The following MTF1 variants were observed in gnomAD, a reference collection of about 807,000 sequenced individuals.
MTF1 encodes the protein metal regulatory transcription factor 1.
In MTF1, 22 loss-of-function variants were observed where a neutral mutation model predicts 70.4. That is an observed-to-expected ratio of 0.31 (90% CI 0.22 to 0.45). The LOEUF (loss-of-function observed/expected upper bound fraction) is 0.45, where lower values mean the gene tolerates loss of function less well. MTF1 is among the 20% of genes least tolerant of loss of function. MTF1 has a pLI of 1.00. For synonymous variants in MTF1, 333 were observed against 352.8 expected, an observed-to-expected ratio of 0.94 and a Z score of 0.63; for missense variants, 649 against 922.0, an observed-to-expected ratio of 0.70 and a Z score of 3.83.
chr1:37,851,122 G>A (rs759428219), intron 2 of MTF1, among the ~76,000 whole-genome samples: 10 of 152,160 alleles, frequency 6.6e-5, no homozygotes, highest in Non-Finnish European at 1.2e-4. Flanking sequence ...CTTCAGGAAG[G>A]CAAGCCTCCT....
At position 37,812,930 on chromosome 1, in the gene MTF1, A is replaced by G. The variant is rs1040786150; in HGVS notation, c.*2206T>C. 3.9e-5 allele frequency: 6 copies of G among 152,224 alleles called. No homozygotes were observed. The highest frequency in any genetic ancestry group is 7.3e-5 in the Non-Finnish European group (5 of 68,066). The allele number at this position is 152,224 out of a possible 1,614,324, so 9.4% of individuals were successfully genotyped here. On this transcript the variant is annotated 3_prime_UTR_variant, in exon 11 of 11. Coordinates refer to ENST00000373036, the MANE Select transcript of MTF1 (RefSeq NM_005955.3). ...GCCTTATCAACTTCTGCTGAGGTCA[A>G]TGGTCAACAGAAGCCACAATCCTTT...
rs1553149979 is a variant in MTF1, at chr1:37,858,015, T to TAAAATA, written c.-51-307_-51-306insTATTTT. Among the ~76,000 whole-genome samples the TAAAATA allele has an allele frequency of 1.9e-4, 24 of 124,044 alleles. No homozygotes were observed. The Middle Eastern group carries it at 0.02, about 103-fold the overall frequency. The allele number at this position is 124,044 out of a possible 152,430, so 81.4% of individuals were successfully genotyped here. On this transcript the variant is annotated intron_variant, in intron 1 of 10. Transcript: ENST00000373036. ...AACATAGTGAGACCCCCATCTCTAA[T>TAAAATA]AAAAAAAAAAAAAAAAGAAAAAGAA...
intron 4 of MTF1, 104 bp downstream of exon 4, chr1:37,838,521 G>A: frequency 2.1e-6 from 2 of 967,870 alleles, no homozygotes; most frequent in Non-Finnish European, 3.0e-6. Flanking sequence ...GCTAAATCAA[G>A]AGCTAGTAAA....
At chr1:37,831,685 G>A (rs1410612099) in intron 7 of MTF1, among the ~76,000 whole-genome samples, 1 of 152,116 alleles carries the variant, frequency 6.6e-6, no homozygotes, top group Non-Finnish European at 1.5e-5. Flanking sequence ...GATAAAGTGG[G>A]CTTGTCCTTT....
At chr1:37,846,277 T>C (rs574384226) in intron 2 of MTF1, among the ~76,000 whole-genome samples, 46 of 151,072 alleles carry the variant, frequency 3.0e-4, no homozygotes, top group African/African-American at 1.0e-3. Context: ...TATGGGAATA[T>C]ACCAAAGAAA....
intron 8 of MTF1, 59 bp from the exon 9 acceptor site, chr1:37,822,775 A>G (rs1274114618): frequency 1.1e-5 from 14 of 1,243,870 alleles, no homozygotes; most frequent in South Asian, 2.7e-5. Context: ...ATGAGCCACA[A>G]AAACAGTCAT....
At chr1:37,835,409 C>T (rs539442979) in intron 5 of MTF1, among the ~76,000 whole-genome samples, 194 bp from the exon 6 acceptor site, 2 of 152,202 alleles carry the variant, frequency 1.3e-5, no homozygotes, top group South Asian at 4.1e-4. Context: ...GGAATGCCTA[C>T]TGCTGGGAAG....
rs778749377 is a variant in MTF1 at position 37,815,178 on chromosome 1, C to G, written c.2220G>C (p.Gln740His). ...TGGTGAGGCCCATCTCCTCCTCCCCCTGCAGTAGTGCTTCAATGGGAATCA... is the reference window on the plus strand; with the variant it reads ...TGGTGAGGCCCATCTCCTCCTCCCCGTGCAGTAGTGCTTCAATGGGAATCA... ...SNLIPIEALLQGEEEMGLTSS... is the reference protein window; with the variant it reads ...SNLIPIEALLHGEEEMGLTSS... Residue 740 changes from glutamine (Q) to histidine (H), a missense_variant, in exon 11 of 11, where the codon CAG becomes CAC. By Grantham distance (24) the Gln-to-His change is conservative. Around this residue, in one of 7 missense-constraint regions of MTF1, gnomAD observed 138 missense variants for 134.4 expected, o/e 1.03. Coordinates refer to ENST00000373036, the MANE Select transcript of MTF1 (RefSeq NM_005955.3). This position sits in a 1 kb window ranked among gnomAD's most constrained non-coding sequence, Gnocchi z 4.5. 17 of 1,614,086 alleles carry G rather than the reference C, an allele frequency of 1.1e-5. No individual in the cohort carries two copies. In the African/African-American group the frequency reaches 2.0e-4, roughly 19 times the overall value.
intron 9 of MTF1, among the ~76,000 whole-genome samples, chr1:37,819,951 CAAAAAAAAAAAAAAA>C (rs766621404): frequency 2.1e-4 from 17 of 82,696 alleles, no homozygotes; most frequent in South Asian, 9.3e-4. Context: ...GACTCTGACT[CAAAAAAAAAAAAAAA>C]AAAAAAAAAA....
At chr1:37,817,345 C>T in intron 10 of MTF1, 74 bp downstream of exon 10, 2 of 897,962 alleles carry the variant, frequency 2.2e-6, no homozygotes, top group South Asian at 1.4e-5. Context: ...GAAACTGGGA[C>T]AAAGCAATAA....
chr1:37,824,112 G>A (rs1456246733), intron 7 of MTF1, among the ~76,000 whole-genome samples: 1 of 152,110 alleles, frequency 6.6e-6, no homozygotes, highest in Non-Finnish European at 1.5e-5. Flanking sequence ...TCCTAAAAAT[G>A]TTAGGATTAC....
chr1:37,855,274 T>C (rs751392097), intron 2 of MTF1, among the ~76,000 whole-genome samples: 3 of 152,088 alleles, frequency 2.0e-5, no homozygotes, highest in Non-Finnish European at 2.9e-5. Flanking sequence ...CTAGAACCAG[T>C]GGGCAGCACC....
Position 37,815,350 on chromosome 1 carries a change from A to C in MTF1, c.2048T>G (p.Val683Gly). 6.2e-7 allele frequency: 1 copy of C among 1,614,094 alleles called. No individual in the cohort carries two copies. The highest frequency in any genetic ancestry group is 8.5e-7 in the Non-Finnish European group (1 of 1,180,012). ...LPAQTFSSAP[V>G]PGSSSSTLPS... ...CAAGGTAGAGGATGATGACCCGGGA[A>C]CAGGGGCTGAAGAGAAAGTCTGCGC... Residue 683 changes from valine to glycine, a missense_variant, in exon 11 of 11, where the codon GTT becomes GGT. Coordinates refer to ENST00000373036, the MANE Select transcript of MTF1 (RefSeq NM_005955.3). This position sits in a 1 kb window ranked among gnomAD's most constrained non-coding sequence, Gnocchi z 4.5.
Position 37,811,282 on chromosome 1 carries a change from T to G in MTF1, c.*3854A>C, listed in dbSNP as rs927319602. On this transcript the variant is annotated 3_prime_UTR_variant, in exon 11 of 11. Coordinates refer to ENST00000373036, the MANE Select transcript of MTF1 (RefSeq NM_005955.3). ...GCACACAGGGAAGGCTTGCATAGATTGAGCGGTTGCTGAGAATGCATAATA... is the reference window on the plus strand; with the variant it reads ...GCACACAGGGAAGGCTTGCATAGATGGAGCGGTTGCTGAGAATGCATAATA... 2 of 152,792 alleles carry G rather than the reference T, an allele frequency of 1.3e-5. No individual in the cohort carries two copies. The highest frequency in any genetic ancestry group is 2.1e-4 in the South Asian group (1 of 4,826). 9.5% of individuals were successfully genotyped at this position (152,792 alleles called of 1,614,324 possible).
rs1192256477 is a variant in MTF1 at position 37,810,575 on chromosome 1, G to A, written c.*4561C>T. On this transcript the variant is annotated 3_prime_UTR_variant, in exon 11 of 11. Transcript: ENST00000373036. ...CTCTCTCCCTAAAAAACATGCAAGA[G>A]GAAACAGGCCAAAATGGCTAACCAA... The A allele has an allele frequency of 6.6e-6, 1 of 152,130 alleles. No individual in the cohort carries two copies. The highest frequency in any genetic ancestry group is 2.4e-5 in the African/African-American group (1 of 41,418). The allele number at this position is 152,130 out of a possible 1,614,324, so 9.4% of individuals were successfully genotyped here.
intron 1 of MTF1, among the ~76,000 whole-genome samples, chr1:37,858,015 T>TAAAAAAAA (rs71053997): frequency 8.1e-6 from 1 of 123,952 alleles, no homozygotes; most frequent in Non-Finnish European, 1.6e-5. Flanking sequence ...CCATCTCTAA[T>TAAAAAAAA]AAAAAAAAAA....
At chr1:37,834,604 AG>A in intron 6 of MTF1, 1 of 456,238 alleles carries the variant, frequency 2.2e-6, no homozygotes, top group Non-Finnish European at 4.4e-6. Context: ...TGGACAGAAG[AG>A]GGGGAAAAGG....
chr1:37,832,024 G>A (rs1014311265), intron 7 of MTF1, among the ~76,000 whole-genome samples: 1 of 152,322 alleles, frequency 6.6e-6, no homozygotes. Context: ...TCTGGGGCCA[G>A]GTTACCGAGT....
intron 7 of MTF1, 140 bp from the exon 8 acceptor site, chr1:37,823,952 CAT>C (rs1640962762): frequency 1.6e-6 from 1 of 626,020 alleles, no homozygotes; most frequent in South Asian, 2.0e-5. Context: ...TTTAAAGTAA[CAT>C]GTATTTTCTT....
Sources: gnomAD v4.1 joint callset for allele counts (sites outside exome capture counted in the v4.1 genomes callset) on GRCh38, gnomAD v4.1.1 for gene constraint, gnomAD v4.1.1 regional missense constraint, Gnocchi (gnomAD v3.1) non-coding constraint, MANE v1.5 for transcripts, NCBI Gene and HGNC (gene_info 2026-07-23, HGNC 2026-07-21) for gene names.